Variants in NOSIP observed in about 807,000 individuals in gnomAD.
The protein encoded by NOSIP is nitric oxide synthase interacting protein.
In NOSIP, 25 loss-of-function variants were observed where a neutral mutation model predicts 36.4. That is an observed-to-expected ratio of 0.69 (90% CI 0.50 to 0.96). The LOEUF (loss-of-function observed/expected upper bound fraction) is 0.96, where lower values mean the gene tolerates loss of function less well. NOSIP is among the 40% of genes least tolerant of loss of function. The pLI is 0.00. For missense variants in NOSIP, 370 were observed against 429.0 expected, an observed-to-expected ratio of 0.86 and a Z score of 1.21; for synonymous variants, 187 against 179.2, an observed-to-expected ratio of 1.04 and a Z score of -0.35.
intron 1 of NOSIP, among the ~76,000 whole-genome samples, chr19:49,565,272 CAA>C (rs559157704): frequency 4.3e-5 from 6 of 138,942 alleles, no homozygotes; most frequent in African/African-American, 7.8e-5. Context: ...GACCCTGTCT[CAA>C]AAAAAAAAAA....
chr19:49,571,983 C>CAAAAA lies in NOSIP; in HGVS notation c.-2+8527_-2+8531dup, dbSNP rs35870721. On this transcript the variant is annotated intron_variant, in intron 1 of 8. Transcript: ENST00000596358. ...CTGGCGACAGAGTGAGACTCTGTCT[C>CAAAAA]AAAAAAAAAAAAAAAAAAAAGCCAA... Among the ~76,000 whole-genome samples the CAAAAA allele has an allele frequency of 3.0e-3, 171 of 56,876 alleles. 2 individuals are homozygous for CAAAAA. Among genetic ancestry groups the CAAAAA allele is most frequent in the African/African-American group, 0.011 (154 of 14,524 alleles). The allele number at this position is 56,876 out of a possible 152,430, so 37.3% of individuals were successfully genotyped here.
rs759921161 is a variant in NOSIP, at chr19:49,560,073, C to T, written c.71-34G>A. ...AGAGATGGGCAGAGTGATGGAGGGG[C>T]GGAGCAACAGGAGACATGTCCGTCT... is the stretch of plus-strand genomic sequence containing the variant. On this transcript the variant is annotated intron_variant, in intron 2 of 8. Transcript: ENST00000596358. This position sits in a 1 kb window ranked among gnomAD's most constrained non-coding sequence, Gnocchi z 4.6. The T allele has an allele frequency of 1.6e-5, 23 of 1,446,664 alleles. No homozygotes were observed. Among genetic ancestry groups the T allele is most frequent in the Non-Finnish European group, 2.0e-5 (21 of 1,036,072 alleles). The allele number at this position is 1,446,664 out of a possible 1,614,324, so 89.6% of individuals were successfully genotyped here.
chr19:49,575,321 A>G (rs1411507821), intron 1 of NOSIP, among the ~76,000 whole-genome samples: 1 of 152,102 alleles, frequency 6.6e-6, no homozygotes, highest in African/African-American at 2.4e-5. Context: ...AAGGACACCA[A>G]TCCATCAGAT....
In NOSIP at chr19:49,557,132, G is replaced by T. The variant is rs375469093; in HGVS notation, c.376C>A (p.Leu126Ile). 11 of 1,612,748 alleles carry T rather than the reference G, an allele frequency of 6.8e-6. No individual in the cohort carries two copies. The African/African-American group carries it at 1.3e-4, about 20-fold the overall frequency. ...AGGGCCTTGGCTGTGAAAGGGTTGA[G>T]GGGCCGGCTCACGATAGCCGACTCC... ...EKESAIVSRP[L>I]NPFTAKALSG... The change falls in exon 5 of 9, where the codon CTC (leucine) becomes ATC (isoleucine). Residue 126 changes from leucine to isoleucine, a missense_variant. This residue lies in a region of NOSIP where 315 missense variants were observed against 331.9 expected (regional missense o/e 0.95). Coordinates refer to ENST00000596358, the MANE Select transcript of NOSIP (RefSeq NM_001270960.2).
chr19:49,570,811 A>G (rs1460519823), intron 1 of NOSIP, among the ~76,000 whole-genome samples: 2 of 151,432 alleles, frequency 1.3e-5, no homozygotes, highest in East Asian at 1.9e-4. Context: ...TTAGTTGTCA[A>G]CTCCCTTGAC....
chr19:49,563,322 T>G (rs1179903634), intron 1 of NOSIP, among the ~76,000 whole-genome samples: 1 of 151,108 alleles, frequency 6.6e-6, no homozygotes, highest in Non-Finnish European at 1.5e-5. Flanking sequence ...ACTACAGGCA[T>G]GTGCCACCAC....
intron 1 of NOSIP, chr19:49,566,803 A>G (rs2080414490): frequency 6.7e-6 from 1 of 149,990 alleles, no homozygotes; most frequent in South Asian, 2.1e-4. Flanking sequence ...ACATATATAT[A>G]TATACACACA....
chr19:49,568,402 T>C (rs1003197692), intron 1 of NOSIP, among the ~76,000 whole-genome samples: 3 of 152,082 alleles, frequency 2.0e-5, no homozygotes, highest in Non-Finnish European at 4.4e-5. Context: ...GTGGTGGTAT[T>C]TGTTTGAAGT....
At chr19:49,564,453 CA>C (rs1011453088) in intron 1 of NOSIP, among the ~76,000 whole-genome samples, 3,889 of 42,636 alleles carry the variant, frequency 0.091, 50 homozygotes, top group East Asian at 0.2. Flanking sequence ...GACTCCATCT[CA>C]AAAAAAAAAA....
intron 1 of NOSIP, among the ~76,000 whole-genome samples, chr19:49,568,318 G>C (rs1202264079): frequency 2.6e-5 from 4 of 152,086 alleles, no homozygotes; most frequent in Admixed American, 1.3e-4. Context: ...TGGAAAGAGG[G>C]TTATTTGAGA....
intron 4 of NOSIP, chr19:49,558,021 G>A: frequency 5.3e-6 from 4 of 756,286 alleles, no homozygotes; most frequent in South Asian, 1.2e-4. Flanking sequence ...CAGGGGAAGA[G>A]GGGGACAGAC....
Position 49,560,083 on chromosome 19 carries a change from G to A in NOSIP, c.71-44C>T, listed in dbSNP as rs780577591. ...AGAGTGATGGAGGGGCGGAGCAACA[G>A]GAGACATGTCCGTCTCCAAAGCCCC... On this transcript the variant is annotated intron_variant, in intron 2 of 8. Coordinates refer to ENST00000596358, the MANE Select transcript of NOSIP (RefSeq NM_001270960.2). This position sits in a 1 kb window ranked among gnomAD's most constrained non-coding sequence, Gnocchi z 4.6. 4 of 1,349,394 alleles carry A rather than the reference G, an allele frequency of 3.0e-6. No individual in the cohort carries two copies. Among genetic ancestry groups the A allele is most frequent in the Non-Finnish European group, 4.2e-6 (4 of 952,634 alleles). 83.6% of individuals were successfully genotyped at this position (1,349,394 alleles called of 1,614,324 possible). A position where few individuals can be genotyped will look rare whatever the true frequency, so the allele number is the denominator to read the frequency against.
intron 1 of NOSIP, chr19:49,579,422 ATCT>A (rs1361245131): frequency 1.3e-5 from 2 of 152,228 alleles, no homozygotes; most frequent in Non-Finnish European, 2.9e-5. Flanking sequence ...TTGATATCTG[ATCT>A]TCTGAGATAT....
intron 1 of NOSIP, among the ~76,000 whole-genome samples, chr19:49,567,436 TTAGAATTTAC>T (rs916484807): frequency 8.5e-5 from 13 of 152,148 alleles, no homozygotes; most frequent in Admixed American, 7.2e-4. Context: ...AATTTTTTTG[TTAGAATTTAC>T]TAGTTGCTCT....
At position 49,558,887 on chromosome 19, in the gene NOSIP, T is replaced by C; in HGVS notation, c.258+10A>G. The stretch of plus-strand genomic sequence containing the variant: ...GCCTCCGTGTGCCGCCTCCTCCCCA[T>C]CCCCATCACCTTCATCTGCCGGGCA... On this transcript the variant is annotated intron_variant, in intron 4 of 8. Transcript: ENST00000596358. 1 of 1,612,146 alleles carries C rather than the reference T, an allele frequency of 6.2e-7. No individual in the cohort carries two copies. Among genetic ancestry groups the C allele is most frequent in the East Asian group, 2.2e-5 (1 of 44,860 alleles).
chr19:49,571,127 C>T lies in NOSIP; in HGVS notation c.-2+9388G>A, dbSNP rs570033984. Among the ~76,000 whole-genome samples the T allele has an allele frequency of 4.0e-5, 6 of 150,804 alleles. 1 individual carries two copies. In the South Asian group the frequency reaches 6.4e-4, roughly 16 times the overall value. ...AAGTAGCTGAGATAACAGGCGCCCACGCCCAGCTAATTTTTTTTTTTTTTT... is the reference window on the plus strand; with the variant it reads ...AAGTAGCTGAGATAACAGGCGCCCATGCCCAGCTAATTTTTTTTTTTTTTT... On this transcript the variant is annotated intron_variant, in intron 1 of 8. Coordinates refer to ENST00000596358, the MANE Select transcript of NOSIP (RefSeq NM_001270960.2).
At chr19:49,566,806 TAC>T (rs1555735162) in intron 1 of NOSIP, 1 of 149,874 alleles carries the variant, frequency 6.7e-6, no homozygotes, top group African/African-American at 2.5e-5. Context: ...TATATATATA[TAC>T]ACACATACTA....
intron 1 of NOSIP, among the ~76,000 whole-genome samples, chr19:49,574,227 T>C (rs2080522980): frequency 6.6e-6 from 1 of 152,144 alleles, no homozygotes; most frequent in South Asian, 2.1e-4. Context: ...GTCTATTCCT[T>C]GACAAACCAG....
chr19:49,570,892 G>C (rs529190303), intron 1 of NOSIP, among the ~76,000 whole-genome samples: 2 of 152,284 alleles, frequency 1.3e-5, no homozygotes, highest in East Asian at 3.9e-4. Context: ...TTGTGGCCAA[G>C]AACTGAGGTT....
Sources: allele counts gnomAD v4.1 joint callset (sites outside exome capture counted in the v4.1 genomes callset), GRCh38; gene constraint gnomAD v4.1.1; regional missense constraint gnomAD v4.1.1; non-coding constraint Gnocchi (gnomAD v3.1); transcripts MANE v1.5; gene names NCBI Gene and HGNC (gene_info 2026-07-23, HGNC 2026-07-21).